MNAT1: variants seen among roughly 807,000 people sequenced by gnomAD.
The protein encoded by MNAT1 is MNAT1 component of CDK activating kinase, also known as CDK-activating kinase assembly factor MAT1.
MNAT1 carries 43 observed loss-of-function variants against 42.0 expected under a neutral mutation model. The observed-to-expected ratio is 1.02, with a 90% CI of 0.80 to 1.32. The LOEUF (loss-of-function observed/expected upper bound fraction) is 1.32. Ranked by LOEUF, MNAT1 falls within the 40% of genes most tolerant of loss-of-function variation. The probability of loss-of-function intolerance (pLI) is 0.00; values close to 1 mark genes in which losing one functional copy is unlikely to be tolerated. For missense variants in MNAT1, 306 were observed against 350.4 expected, an observed-to-expected ratio of 0.87 and a Z score of 1.01; for synonymous variants, 118 against 120.0, an observed-to-expected ratio of 0.98 and a Z score of 0.11.
chr14:60,856,075 A>G (rs1345515165), intron 6 of MNAT1, among the ~76,000 whole-genome samples: 1 of 152,212 alleles, frequency 6.6e-6, no homozygotes, highest in Non-Finnish European at 1.5e-5. Flanking sequence ...ATCAAAAGCT[A>G]GAAACGATTA....
intron 1 of MNAT1, among the ~76,000 whole-genome samples, chr14:60,775,622 G>T (rs935462973): frequency 1.3e-5 from 2 of 152,182 alleles, no homozygotes; most frequent in African/African-American, 4.8e-5. Flanking sequence ...TTAGGAAGTG[G>T]GATATAGAGC....
intron 7 of MNAT1, among the ~76,000 whole-genome samples, chr14:60,931,793 C>T (rs903112943): frequency 2.6e-5 from 4 of 151,866 alleles, no homozygotes; most frequent in African/African-American, 7.2e-5. Flanking sequence ...TAACCTTTGA[C>T]ACTCTGAAAA....
intron 7 of MNAT1, among the ~76,000 whole-genome samples, chr14:60,948,310 A>G (rs1007608988): frequency 1.4e-4 from 21 of 152,150 alleles, no homozygotes; most frequent in African/African-American, 4.6e-4. Flanking sequence ...GCATGCCTGT[A>G]GTCCCAGCTC....
At chr14:60,956,599 T>G (rs1764580859) in intron 7 of MNAT1, among the ~76,000 whole-genome samples, 2 of 152,230 alleles carry the variant, frequency 1.3e-5, no homozygotes, top group Admixed American at 1.3e-4. Context: ...AAGTGAAATG[T>G]TGAATTCCCA....
intron 6 of MNAT1, among the ~76,000 whole-genome samples, chr14:60,862,746 A>T (rs1184987457): frequency 6.6e-6 from 1 of 152,224 alleles, no homozygotes; most frequent in Admixed American, 6.5e-5. Context: ...TACATATGTT[A>T]ATATGTTTTC....
At chr14:60,811,048 C>T (rs2032527404) in intron 4 of MNAT1, among the ~76,000 whole-genome samples, 1 of 151,908 alleles carries the variant, frequency 6.6e-6, no homozygotes, top group Admixed American at 6.6e-5. Flanking sequence ...ATTGTTATAT[C>T]TTTCTATATG....
At chr14:60,909,967 T>C (rs2035310399) in intron 7 of MNAT1, among the ~76,000 whole-genome samples, 1 of 152,218 alleles carries the variant, frequency 6.6e-6, no homozygotes, top group Non-Finnish European at 1.5e-5. Flanking sequence ...CATGGAATGT[T>C]CTTCCATTTG....
intron 3 of MNAT1, among the ~76,000 whole-genome samples, chr14:60,799,570 A>G (rs185176847): frequency 6.6e-6 from 1 of 152,278 alleles, no homozygotes; most frequent in East Asian, 1.9e-4. Flanking sequence ...ACATGGTCAC[A>G]ATTACAAGCA....
At chr14:60,830,986 A>G (rs952567526) in intron 6 of MNAT1, among the ~76,000 whole-genome samples, 2 of 150,712 alleles carry the variant, frequency 1.3e-5, no homozygotes, top group Non-Finnish European at 3.0e-5. Context: ...TCCTGTTAAC[A>G]TTTTTCTACA....
chr14:60,915,550 C>T (rs140890249), intron 7 of MNAT1, among the ~76,000 whole-genome samples: 11 of 152,236 alleles, frequency 7.2e-5, no homozygotes, highest in African/African-American at 9.6e-5. Flanking sequence ...TCTAGGGCTA[C>T]GGAATATGAA....
At chr14:60,751,402 GA>G (rs1309178837) in intron 1 of MNAT1, among the ~76,000 whole-genome samples, 1 of 151,784 alleles carries the variant, frequency 6.6e-6, no homozygotes, top group Non-Finnish European at 1.5e-5. Context: ...GCTAGCTTAC[GA>G]TAAAAAGCAT....
chr14:60,931,048 C>T (rs1467994381), intron 7 of MNAT1, among the ~76,000 whole-genome samples: 1 of 151,884 alleles, frequency 6.6e-6, no homozygotes, highest in East Asian at 1.9e-4. Context: ...ATTTGAGAAG[C>T]CTGAAGTAAA....
intron 6 of MNAT1, among the ~76,000 whole-genome samples, chr14:60,841,815 G>C (rs1449341677): frequency 2.0e-5 from 3 of 152,154 alleles, no homozygotes; most frequent in Non-Finnish European, 4.4e-5. Flanking sequence ...TTTAATGTTA[G>C]GCTAATTTAG....
intron 5 of MNAT1, among the ~76,000 whole-genome samples, chr14:60,816,413 T>G (rs2032717793): frequency 6.6e-6 from 1 of 152,136 alleles, no homozygotes; most frequent in Admixed American, 6.5e-5. Flanking sequence ...AGTTTATGTC[T>G]TAAATTTTGT....
At chr14:60,811,864 C>T in intron 4 of MNAT1, 123 bp from the exon 5 acceptor site, 2 of 642,936 alleles carry the variant, frequency 3.1e-6, no homozygotes, top group Non-Finnish European at 4.9e-6. Context: ...GGAATTGCTA[C>T]ATTATTAAAT....
chr14:60,914,553 T>C lies in MNAT1; in HGVS notation c.809+34718T>C, dbSNP rs1461798882. Among the ~76,000 whole-genome samples, 4 of 7,986 alleles carry C rather than the reference T, an allele frequency of 5.0e-4. No individual in the cohort carries two copies. In the Admixed American group the frequency reaches 6.4e-3, roughly 13 times the overall value. The allele number at this position is 7,986 out of a possible 152,430, so 5.2% of individuals were successfully genotyped here. On this transcript the variant is annotated intron_variant, in intron 7 of 7. Coordinates refer to ENST00000261245, the MANE Select transcript of MNAT1 (RefSeq NM_002431.4). The stretch of plus-strand genomic sequence containing the variant: ...ATTTAGTTGTGTAGAGGCACAGATA[T>C]GGTAAAAAAAAAAATCTGTTCTGGC...
Position 60,796,368 on chromosome 14 carries a change from A to C in MNAT1, c.241A>C (p.Ile81Leu). The change falls in exon 2 of 8, where the codon ATA becomes CTA. Residue 81 changes from isoleucine (I) to leucine (L), a missense_variant and splice_region_variant. Ile to Leu is a conservative substitution (Grantham distance 5, BLOSUM62 2). Coordinates refer to ENST00000261245, the MANE Select transcript of MNAT1 (RefSeq NM_002431.4). ...TGAGATCAGGAAAAAAGTGCTAAAGATGTAAGTATTCCTGCTCGAATGATT... is the reference window on the plus strand; with the variant it reads ...TGAGATCAGGAAAAAAGTGCTAAAGCTGTAAGTATTCCTGCTCGAATGATT... The part of the protein sequence containing the change: ...EVEIRKKVLK[I>L]YNKREEDFPS... 6.2e-7 allele frequency: 1 copy of C among 1,611,346 alleles called. No homozygotes were observed. Among genetic ancestry groups the C allele is most frequent in the Non-Finnish European group, 8.5e-7 (1 of 1,178,740 alleles).
chr14:60,803,701 G>A (rs956136983), intron 3 of MNAT1, among the ~76,000 whole-genome samples: 6 of 152,164 alleles, frequency 3.9e-5, no homozygotes, highest in African/African-American at 1.4e-4. Flanking sequence ...TAAATCTGGA[G>A]TAAGAAAACT....
At chr14:60,898,134 TGTGTGTGCGC>T (rs752536169) in intron 7 of MNAT1, among the ~76,000 whole-genome samples, 109 of 117,230 alleles carry the variant, frequency 9.3e-4, no homozygotes, top group African/African-American at 4.1e-3. Context: ...TGTGTGTGTG[TGTGTGTGCGC>T]GCGCCACATT....
Sources: allele counts gnomAD v4.1 joint callset (sites outside exome capture counted in the v4.1 genomes callset), GRCh38; gene constraint gnomAD v4.1.1; transcripts MANE v1.5; gene names NCBI Gene and HGNC (gene_info 2026-07-23, HGNC 2026-07-21).